LPP: variants seen among roughly 807,000 people sequenced by gnomAD.
LPP encodes the protein lipoma-preferred partner.
A neutral mutation model predicts 60.4 loss-of-function variants in LPP; 38 were observed. That is an observed-to-expected ratio of 0.63 (90% CI 0.49 to 0.83). The LOEUF (loss-of-function observed/expected upper bound fraction) is 0.83, where lower values mean the gene tolerates loss of function less well. Among genes scored for constraint, LPP ranks in the 40% least tolerant of loss-of-function variants. LPP has a pLI of 0.00. For synonymous variants in LPP, 328 were observed against 290.8 expected (o/e 1.13, Z -1.30); for missense variants, 902 against 783.6 (o/e 1.15, Z -1.80).
intron 9 of LPP, among the ~76,000 whole-genome samples, chr3:188,849,195 G>A (rs185864992): frequency 4.5e-4 from 69 of 152,224 alleles, no homozygotes; most frequent in Non-Finnish European, 8.4e-4. Context: ...CACTGAGGAC[G>A]GAGGGACCCT....
chr3:188,282,787 C>T (rs1379469357), intron 2 of LPP, among the ~76,000 whole-genome samples: 1 of 152,164 alleles, frequency 6.6e-6, no homozygotes, highest in African/African-American at 2.4e-5. Context: ...CATTTGGTGT[C>T]AGTCTCTCTC....
At chr3:188,384,768 C>A (rs62291442) in intron 3 of LPP, among the ~76,000 whole-genome samples, 2 of 142,192 alleles carry the variant, frequency 1.4e-5, no homozygotes, top group African/African-American at 2.8e-5. Context: ...CCAGCCTGGG[C>A]GACAGAGCGA....
rs534012465 is a variant in LPP, at chr3:188,572,597, G to A, written c.430-36564G>A. Among the ~76,000 whole-genome samples, 29 of 152,186 alleles carry A rather than the reference G, an allele frequency of 1.9e-4. No homozygotes were observed. The highest frequency in any genetic ancestry group is 6.8e-3 in the Middle Eastern group (2 of 294). On this transcript the variant is annotated intron_variant, in intron 6 of 11. Transcript: ENST00000617246. This position sits in a 1 kb window ranked among gnomAD's most constrained non-coding sequence, Gnocchi z 4.1. The stretch of plus-strand genomic sequence containing the variant: ...TACTGAATTTCATTCAGTAAATATT[G>A]CATGAAATTGAGCTGAAATTCATGT...
intron 7 of LPP, among the ~76,000 whole-genome samples, chr3:188,657,904 G>A (rs944369870): frequency 3.9e-5 from 6 of 152,124 alleles, no homozygotes; most frequent in Admixed American, 2.0e-4. Context: ...CATTGTTAGA[G>A]TAGATACTGT....
At chr3:188,805,938 AT>A (rs1748991822) in intron 9 of LPP, among the ~76,000 whole-genome samples, 1 of 151,724 alleles carries the variant, frequency 6.6e-6, no homozygotes, top group Admixed American at 6.6e-5. Flanking sequence ...ATCTGTGAAC[AT>A]GTTTTGTGTA....
At chr3:188,496,040 G>T (rs899068928) in intron 5 of LPP, among the ~76,000 whole-genome samples, 1 of 152,104 alleles carries the variant, frequency 6.6e-6, no homozygotes, top group Non-Finnish European at 1.5e-5. Context: ...TCCTTGAGGG[G>T]TTAAGCTATT....
intron 8 of LPP, among the ~76,000 whole-genome samples, chr3:188,752,471 A>G (rs1420165293): frequency 1.3e-5 from 2 of 152,210 alleles, no homozygotes; most frequent in African/African-American, 2.4e-5. Flanking sequence ...TCAAAAGATA[A>G]CCATGTATTA....
intron 5 of LPP, among the ~76,000 whole-genome samples, chr3:188,515,441 T>C (rs971274344): frequency 6.6e-6 from 1 of 152,226 alleles, no homozygotes; most frequent in African/African-American, 2.4e-5. Flanking sequence ...ATTTAACCTC[T>C]TTTCTTTATA....
chr3:188,657,258 G>GTATACATA, intron 7 of LPP, among the ~76,000 whole-genome samples: 1 of 89,840 alleles, frequency 1.1e-5, no homozygotes, highest in South Asian at 4.6e-4. Context: ...CTGTCAAGGT[G>GTATACATA]TATATATATA....
At chr3:188,194,621 G>A (rs1729038678) in intron 1 of LPP, among the ~76,000 whole-genome samples, 1 of 152,216 alleles carries the variant, frequency 6.6e-6, no homozygotes, top group African/African-American at 2.4e-5. Flanking sequence ...GGGAAGAAGG[G>A]AAGTATAATG....
At chr3:188,459,116 T>C (rs9844098) in intron 4 of LPP, among the ~76,000 whole-genome samples, 29,364 of 152,078 alleles carry the variant, frequency 0.19, 2,854 homozygotes, top group East Asian at 0.23. Context: ...GAGTTGTGGT[T>C]TTAATTTAAA....
At chr3:188,828,638 A>AAAAAAAAAAC (rs1756304226) in intron 9 of LPP, among the ~76,000 whole-genome samples, 1 of 148,620 alleles carries the variant, frequency 6.7e-6, no homozygotes, top group Non-Finnish European at 1.5e-5. Context: ...AAAAAAAAAA[A>AAAAAAAAAAC]AACTCAGCTG....
At chr3:188,334,410 C>A (rs986044206) in intron 2 of LPP, among the ~76,000 whole-genome samples, 3 of 142,302 alleles carry the variant, frequency 2.1e-5, no homozygotes, top group South Asian at 2.2e-4. Context: ...CTGGATCTTA[C>A]GATATTTCTT....
chr3:188,832,029 A>T (rs1757260993), intron 9 of LPP, among the ~76,000 whole-genome samples: 1 of 152,154 alleles, frequency 6.6e-6, no homozygotes, highest in African/African-American at 2.4e-5. Context: ...TTTTCTACAT[A>T]GATACTTGTG....
chr3:188,530,740 C>T (rs908821866), intron 6 of LPP, among the ~76,000 whole-genome samples: 6 of 152,124 alleles, frequency 3.9e-5, no homozygotes, highest in Non-Finnish European at 7.3e-5. Context: ...TAAAATAAGT[C>T]TCAAACACAT....
intron 5 of LPP, among the ~76,000 whole-genome samples, chr3:188,516,966 A>T (rs1817551405): frequency 6.6e-6 from 1 of 152,184 alleles, no homozygotes. Flanking sequence ...CCATCTACTG[A>T]AGCCTCTCAG....
intron 8 of LPP, among the ~76,000 whole-genome samples, chr3:188,740,683 G>A (rs1467559438): frequency 6.6e-6 from 1 of 151,928 alleles, no homozygotes; most frequent in African/African-American, 2.4e-5. Flanking sequence ...TGATTGTTCA[G>A]TTAAACTTAT....
At chr3:188,363,069 T>C (rs1488789891) in intron 3 of LPP, among the ~76,000 whole-genome samples, 1 of 152,004 alleles carries the variant, frequency 6.6e-6, no homozygotes, top group Non-Finnish European at 1.5e-5. Context: ...GGAAGGGAAA[T>C]TTAACAGCTG....
At chr3:188,179,062 GA>G in intron 1 of LPP, 6 of 316,280 alleles carry the variant, frequency 1.9e-5, no homozygotes, top group South Asian at 4.8e-5. Flanking sequence ...GAGAGAGAGA[GA>G]GAGTGAGCAA....
Sources: gnomAD v4.1 joint callset for allele counts (sites outside exome capture counted in the v4.1 genomes callset) on GRCh38, gnomAD v4.1.1 for gene constraint, Gnocchi (gnomAD v3.1) non-coding constraint, MANE v1.5 for transcripts, NCBI Gene and HGNC (gene_info 2026-07-23, HGNC 2026-07-21) for gene names.